The following GUCY1A2 variants were observed in gnomAD, a reference collection of about 807,000 sequenced individuals.
The protein encoded by GUCY1A2 is guanylate cyclase soluble subunit alpha-2.
In GUCY1A2, 27 loss-of-function variants were observed where a neutral mutation model predicts 63.5. The ratio of observed to expected loss-of-function variants is 0.43; its 90% CI spans 0.31 to 0.59. GUCY1A2 has a LOEUF of 0.59. GUCY1A2 is among the 20% of genes least tolerant of loss of function. GUCY1A2 has a pLI of 0.11. For missense variants in GUCY1A2, 768 were observed against 913.3 expected, an observed-to-expected ratio of 0.84 and a Z score of 2.05; for synonymous variants, 364 against 343.5, an observed-to-expected ratio of 1.06 and a Z score of -0.66.
At position 106,897,823 on chromosome 11, in the gene GUCY1A2, A is replaced by G. The variant is rs113923663; in HGVS notation, c.1206+41637T>C. 9.2e-5 allele frequency among the ~76,000 whole-genome samples: 14 copies of G among 152,254 alleles called. 2 individuals carry two copies. Among genetic ancestry groups the G allele is most frequent in the African/African-American group, 3.4e-4 (14 of 41,574 alleles). ...CAATGACTTTTCAGATAAGATGACA[A>G]AGGCATGATGTATTTAAAAAAATTG... is the stretch of plus-strand genomic sequence containing the variant. On this transcript the variant is annotated intron_variant, in intron 4 of 7. Transcript: ENST00000526355.
At chr11:106,848,695 C>T (rs1444733629) in intron 4 of GUCY1A2, among the ~76,000 whole-genome samples, 2 of 151,620 alleles carry the variant, frequency 1.3e-5, no homozygotes, top group Non-Finnish European at 3.0e-5. Context: ...GAAGGACAGA[C>T]ATTCCAAAAG....
chr11:106,930,995 G>C (rs944011671), intron 4 of GUCY1A2, among the ~76,000 whole-genome samples: 6 of 152,286 alleles, frequency 3.9e-5, no homozygotes, highest in African/African-American at 1.2e-4. Flanking sequence ...AAACAGTGTT[G>C]ACCGATAAAG....
intron 4 of GUCY1A2, among the ~76,000 whole-genome samples, chr11:106,893,385 TA>T (rs775054850): frequency 6.6e-5 from 10 of 151,306 alleles, no homozygotes; most frequent in Admixed American, 1.3e-4. Context: ...ATTTAGTCTT[TA>T]AAAAAAAACT....
Position 106,955,920 on chromosome 11 carries a change from C to T in GUCY1A2, c.488-15742G>A, listed in dbSNP as rs142003464. Among the ~76,000 whole-genome samples, 158 of 152,200 alleles carry T rather than the reference C, an allele frequency of 1.0e-3. 3 individuals are homozygous for T. The highest frequency in any genetic ancestry group is 3.4e-3 in the African/African-American group (142 of 41,522). Reference sequence around the variant, plus strand: ...CAGCTTGTTTCCATTCTCTCCATCTCCTTCTGGTACTCCAATCAATCGCAG... The same window carrying T: ...CAGCTTGTTTCCATTCTCTCCATCTTCTTCTGGTACTCCAATCAATCGCAG... On this transcript the variant is annotated intron_variant, in intron 3 of 7. Coordinates refer to ENST00000526355, the MANE Select transcript of GUCY1A2 (RefSeq NM_000855.3).
At chr11:106,698,138 T>TTTTTTTTTTTTTTTTAA (rs1555020237) in intron 7 of GUCY1A2, among the ~76,000 whole-genome samples, 1 of 145,758 alleles carries the variant, frequency 6.9e-6, no homozygotes, top group Admixed American at 6.8e-5. Flanking sequence ...TTTTTTTTTT[T>TTTTTTTTTTTTTTTTAA]AGACAGGGTC....
intron 6 of GUCY1A2, among the ~76,000 whole-genome samples, chr11:106,719,431 T>G (rs1476297789): frequency 6.6e-6 from 1 of 152,130 alleles, no homozygotes; most frequent in African/African-American, 2.4e-5. Context: ...ACATGTGTGT[T>G]TATCAGTTAT....
At chr11:106,970,650 C>T (rs1861181894) in intron 3 of GUCY1A2, among the ~76,000 whole-genome samples, 1 of 152,148 alleles carries the variant, frequency 6.6e-6, no homozygotes, top group African/African-American at 2.4e-5. Flanking sequence ...GCAAATGGCT[C>T]AGCCACTTTG....
chr11:106,941,566 G>A (rs1304748338), intron 3 of GUCY1A2, among the ~76,000 whole-genome samples: 1 of 152,166 alleles, frequency 6.6e-6, no homozygotes, highest in Non-Finnish European at 1.5e-5. Context: ...AATCAGGCAG[G>A]ACTGGGAAAA....
Position 106,713,210 on chromosome 11 carries a change from G to C in GUCY1A2, c.1837-4544C>G, listed in dbSNP as rs72987329. Reference sequence around the variant, plus strand: ...TATCTTCCATTGTCTAATGTCCACTGTCATGAAAACTGTTCTTTTGTATGT... The same window carrying C: ...TATCTTCCATTGTCTAATGTCCACTCTCATGAAAACTGTTCTTTTGTATGT... On this transcript the variant is annotated intron_variant, in intron 6 of 7. Transcript: ENST00000526355. Among the ~76,000 whole-genome samples, 1,218 of 152,186 alleles carry C rather than the reference G, an allele frequency of 8.0e-3. 10 individuals are homozygous for C. The highest frequency in any genetic ancestry group is 0.012 in the Non-Finnish European group (791 of 68,016).
intron 4 of GUCY1A2, among the ~76,000 whole-genome samples, chr11:106,848,809 A>G (rs889911960): frequency 1.3e-5 from 2 of 151,676 alleles, no homozygotes; most frequent in Non-Finnish European, 3.0e-5. Flanking sequence ...TTAGTCATTT[A>G]TTGAAAATTC....
At chr11:106,910,075 AG>A (rs1400133596) in intron 4 of GUCY1A2, among the ~76,000 whole-genome samples, 1 of 152,034 alleles carries the variant, frequency 6.6e-6, no homozygotes, top group African/African-American at 2.4e-5. Flanking sequence ...TATGTATAAA[AG>A]TTATTCGCTA....
chr11:106,761,080 G>T (rs1478190332), intron 6 of GUCY1A2, among the ~76,000 whole-genome samples: 3 of 152,028 alleles, frequency 2.0e-5, no homozygotes, highest in African/African-American at 7.2e-5. Flanking sequence ...ATGAACAATT[G>T]CCAGAAAAAG....
intron 6 of GUCY1A2, among the ~76,000 whole-genome samples, chr11:106,757,275 T>C (rs1423184867): frequency 2.0e-5 from 3 of 152,142 alleles, no homozygotes; most frequent in Non-Finnish European, 4.4e-5. Flanking sequence ...CTTTTTAGCT[T>C]CCTGGCATTG....
chr11:106,681,852 A>C lies in GUCY1A2; in HGVS notation c.*5697T>G. On this transcript the variant is annotated 3_prime_UTR_variant, in exon 8 of 8. Transcript: ENST00000526355. ...CGGTATTGCTTGGAAATCAGTTTTC[A>C]GATAATGTACAATTCAATATGAAAA... 4.6e-6 allele frequency: 1 copy of C among 215,612 alleles called. No homozygotes were observed. 13.4% of individuals were successfully genotyped at this position (215,612 alleles called of 1,614,324 possible). A position where few individuals can be genotyped will look rare whatever the true frequency, so the allele number is the denominator to read the frequency against.
At chr11:106,785,497 GTA>G (rs1436305006) in intron 5 of GUCY1A2, among the ~76,000 whole-genome samples, 3 of 151,480 alleles carry the variant, frequency 2.0e-5, no homozygotes, top group Non-Finnish European at 4.4e-5. Context: ...ATGTGTGTGT[GTA>G]TGTTTATACT....
chr11:106,996,593 C>T (rs1412379496), intron 1 of GUCY1A2, among the ~76,000 whole-genome samples: 1 of 152,188 alleles, frequency 6.6e-6, no homozygotes, highest in Non-Finnish European at 1.5e-5. Flanking sequence ...TAATAAGACA[C>T]ATTTCACAGT....
chr11:106,792,385 C>CAAAAAA (rs60149576), intron 5 of GUCY1A2, among the ~76,000 whole-genome samples: 1 of 84,834 alleles, frequency 1.2e-5, no homozygotes, highest in African/African-American at 4.4e-5. Context: ...GACTCCATCT[C>CAAAAAA]AAAAAAAAAA....
chr11:106,721,586 T>A (rs1399377437), intron 6 of GUCY1A2, among the ~76,000 whole-genome samples: 1 of 152,210 alleles, frequency 6.6e-6, no homozygotes, highest in Non-Finnish European at 1.5e-5. Flanking sequence ...GTTTGGGCAT[T>A]AGATGGCGCT....
intron 7 of GUCY1A2, among the ~76,000 whole-genome samples, chr11:106,707,214 T>C (rs1862932358): frequency 6.6e-6 from 1 of 152,112 alleles, no homozygotes; most frequent in Admixed American, 6.6e-5. Flanking sequence ...TCAGTTTTCT[T>C]TCTCATCTAT....
Sources: gnomAD v4.1 joint callset for allele counts (sites outside exome capture counted in the v4.1 genomes callset) on GRCh38, gnomAD v4.1.1 for gene constraint, MANE v1.5 for transcripts, NCBI Gene and HGNC (gene_info 2026-07-23, HGNC 2026-07-21) for gene names.